MTA3: variants seen among roughly 807,000 people sequenced by gnomAD.
The protein encoded by MTA3 is metastasis-associated protein MTA3.
A neutral mutation model predicts 83.5 loss-of-function variants in MTA3; 34 were observed. The ratio of observed to expected loss-of-function variants is 0.41; its 90% CI spans 0.31 to 0.54. The LOEUF (loss-of-function observed/expected upper bound fraction) is 0.54, where lower values mean the gene tolerates loss of function less well. Among genes scored for constraint, MTA3 ranks in the 20% least tolerant of loss-of-function variants. The probability of loss-of-function intolerance (pLI) is 0.33; values close to 1 mark genes in which losing one functional copy is unlikely to be tolerated. For synonymous variants in MTA3, 303 were observed against 252.7 expected (o/e 1.20, Z -1.89); for missense variants, 761 against 726.4 (o/e 1.05, Z -0.55).
intron 2 of MTA3, among the ~76,000 whole-genome samples, chr2:42,510,311 G>GAAA (rs1260439717): frequency 2.3e-5 from 2 of 87,358 alleles, no homozygotes; most frequent in Non-Finnish European, 4.6e-5. Context: ...GGGCGACTCA[G>GAAA]AAAAAAAAAA....
chr2:42,622,140 C>T (rs900247610), intron 4 of MTA3, among the ~76,000 whole-genome samples: 7 of 152,328 alleles, frequency 4.6e-5, no homozygotes, highest in South Asian at 2.1e-4. Flanking sequence ...AACCAGAGTC[C>T]GTCTGCAATC....
At chr2:42,627,589 A>G (rs1452013330) in intron 4 of MTA3, among the ~76,000 whole-genome samples, 1 of 151,322 alleles carries the variant, frequency 6.6e-6, no homozygotes, top group Non-Finnish European at 1.5e-5. Context: ...TTTGAAACGG[A>G]GTCTCGCTCT....
intron 16 of MTA3, among the ~76,000 whole-genome samples, chr2:42,730,551 G>A (rs528897134): frequency 6.6e-6 from 1 of 152,172 alleles, no homozygotes; most frequent in Admixed American, 6.5e-5. Context: ...TGCATTCCTG[G>A]GATAAATCCC....
chr2:42,634,205 T>A (rs1042334133), intron 4 of MTA3, among the ~76,000 whole-genome samples: 1 of 152,206 alleles, frequency 6.6e-6, no homozygotes, highest in African/African-American at 2.4e-5. Context: ...AAACCTGATA[T>A]ATAGAGTCAT....
At chr2:42,539,895 G>T (rs1041247406) in intron 2 of MTA3, among the ~76,000 whole-genome samples, 3 of 152,106 alleles carry the variant, frequency 2.0e-5, no homozygotes, top group Non-Finnish European at 4.4e-5. Flanking sequence ...CTCTTGATAA[G>T]CTACACTCTA....
intron 3 of MTA3, among the ~76,000 whole-genome samples, chr2:42,607,200 G>A (rs1442551567): frequency 6.6e-6 from 1 of 152,038 alleles, no homozygotes; most frequent in Non-Finnish European, 1.5e-5. Flanking sequence ...ACAAAGATAA[G>A]TGACCTGTCA....
At chr2:42,636,403 C>T (rs868013571) in intron 4 of MTA3, among the ~76,000 whole-genome samples, 5 of 151,724 alleles carry the variant, frequency 3.3e-5, no homozygotes, top group African/African-American at 9.7e-5. Flanking sequence ...ATTAGCTCTG[C>T]GTGTGGCACA....
At chr2:42,543,314 A>G (rs1466877320) in intron 2 of MTA3, among the ~76,000 whole-genome samples, 1 of 151,186 alleles carries the variant, frequency 6.6e-6, no homozygotes, top group East Asian at 2.0e-4. Context: ...AGTAGCTGGG[A>G]TTACAGGTGC....
chr2:42,649,599 G>A (rs1688524112), intron 6 of MTA3, among the ~76,000 whole-genome samples: 1 of 152,182 alleles, frequency 6.6e-6, no homozygotes, highest in Non-Finnish European at 1.5e-5. Flanking sequence ...AGCAATAAGG[G>A]AAACAAGTGT....
At chr2:42,645,699 C>A (rs1688116014) in intron 6 of MTA3, among the ~76,000 whole-genome samples, 1 of 151,806 alleles carries the variant, frequency 6.6e-6, no homozygotes, top group Admixed American at 6.6e-5. Flanking sequence ...TCTGTGAAGA[C>A]TGAGAGGTGA....
In MTA3 at chr2:42,568,739, G is replaced by A; in HGVS notation, c.-7G>A. On this transcript the variant is annotated 5_prime_UTR_variant, in exon 1 of 17. Coordinates refer to ENST00000405094, the MANE Select transcript of MTA3 (RefSeq NM_001330442.2). ...TCGGCTCGGGCTCCGCGGGCGGGCG[G>A]GCGGACATGGCGGCCAACATGTACC... The A allele has an allele frequency of 8.2e-7, 1 of 1,217,196 alleles. No individual in the cohort carries two copies. Among genetic ancestry groups the A allele is most frequent in the Non-Finnish European group, 1.0e-6 (1 of 979,530 alleles). 75.4% of individuals were successfully genotyped at this position (1,217,196 alleles called of 1,614,324 possible).
chr2:42,718,961 T>A (rs997100647), intron 14 of MTA3, 27 bp from the exon 15 acceptor site: 2 of 1,507,462 alleles, frequency 1.3e-6, no homozygotes, highest in Non-Finnish European at 1.8e-6. Context: ...TTTCATTGGT[T>A]ATCTCCATGT....
chr2:42,601,237 G>T (rs886996297), intron 3 of MTA3, among the ~76,000 whole-genome samples: 1 of 152,104 alleles, frequency 6.6e-6, no homozygotes, highest in African/African-American at 2.4e-5. Flanking sequence ...CTTGAACTTT[G>T]TTCTGGGATG....
At chr2:42,522,587 G>C (rs958928047) in intron 2 of MTA3, among the ~76,000 whole-genome samples, 4 of 152,000 alleles carry the variant, frequency 2.6e-5, no homozygotes, top group Admixed American at 6.6e-5. Context: ...CTTGAGCCCA[G>C]GAATTCTAGA....
At chr2:42,648,091 T>A (rs1485471321) in intron 6 of MTA3, among the ~76,000 whole-genome samples, 5 of 152,246 alleles carry the variant, frequency 3.3e-5, no homozygotes, top group African/African-American at 1.2e-4. Flanking sequence ...TCCACCTGCC[T>A]TGGCCTCCCA....
intron 14 of MTA3, among the ~76,000 whole-genome samples, chr2:42,714,846 T>C (rs1666913155): frequency 6.6e-6 from 1 of 152,118 alleles, no homozygotes; most frequent in Admixed American, 6.6e-5. Flanking sequence ...GGGTTAGCGC[T>C]CCTATGAGAA....
intron 3 of MTA3, among the ~76,000 whole-genome samples, chr2:42,588,988 C>T (rs928095879): frequency 6.6e-6 from 1 of 152,046 alleles, no homozygotes; most frequent in Admixed American, 6.6e-5. Context: ...CACTTAGGGC[C>T]TTTTACTGAT....
At chr2:42,686,478 G>C (rs1692376983) in intron 9 of MTA3, among the ~76,000 whole-genome samples, 1 of 151,390 alleles carries the variant, frequency 6.6e-6, no homozygotes, top group Non-Finnish European at 1.5e-5. Context: ...CTTGAGCCCA[G>C]GAGTTTAAGA....
chr2:42,610,139 G>A (rs971997019), intron 4 of MTA3, among the ~76,000 whole-genome samples: 1 of 151,994 alleles, frequency 6.6e-6, no homozygotes, highest in African/African-American at 2.4e-5. Context: ...AATAAAAATC[G>A]GGCCTTTCCC....
Sources: allele counts gnomAD v4.1 joint callset (sites outside exome capture counted in the v4.1 genomes callset), GRCh38; gene constraint gnomAD v4.1.1; transcripts MANE v1.5; gene names NCBI Gene and HGNC (gene_info 2026-07-23, HGNC 2026-07-21).